The following OLFML2B variants were observed in gnomAD, a reference collection of about 807,000 sequenced individuals.
OLFML2B encodes the protein olfactomedin like 2B.
A neutral mutation model predicts 74.9 loss-of-function variants in OLFML2B; 57 were observed. The ratio of observed to expected loss-of-function variants is 0.76; its 90% CI spans 0.61 to 0.95. The LOEUF (loss-of-function observed/expected upper bound fraction) is 0.95, where lower values mean the gene tolerates loss of function less well. Among genes scored for constraint, OLFML2B ranks in the 40% least tolerant of loss-of-function variants. The pLI is 0.00. For synonymous variants in OLFML2B, 388 were observed against 405.8 expected, an observed-to-expected ratio of 0.96 and a Z score of 0.53; for missense variants, 986 against 970.6, an observed-to-expected ratio of 1.02 and a Z score of -0.21.
intron 6 of OLFML2B, among the ~76,000 whole-genome samples, chr1:161,985,885 G>A (rs981677415): frequency 6.6e-6 from 1 of 152,194 alleles, no homozygotes; most frequent in Non-Finnish European, 1.5e-5. Context: ...AGTGGCTCTG[G>A]ATCCGGTGCC....
intron 1 of OLFML2B, among the ~76,000 whole-genome samples, chr1:162,021,115 C>CAGGGA (rs1228037462): frequency 6.6e-6 from 1 of 152,254 alleles, no homozygotes; most frequent in East Asian, 1.9e-4. Context: ...AACTGGAAGC[C>CAGGGA]AGGGAAGACT....
chr1:162,003,708 C>T (rs1313099873), intron 4 of OLFML2B, among the ~76,000 whole-genome samples: 1 of 152,236 alleles, frequency 6.6e-6, no homozygotes, highest in Non-Finnish European at 1.5e-5. Flanking sequence ...GCCAACCCCT[C>T]AGGCAAGGAC....
intron 6 of OLFML2B, among the ~76,000 whole-genome samples, chr1:161,996,091 G>C (rs547252175): frequency 6.6e-6 from 1 of 152,150 alleles, no homozygotes; most frequent in Non-Finnish European, 1.5e-5. Context: ...CTGCCTTCTC[G>C]CTTAGCTTCC....
In OLFML2B at chr1:162,020,041, C is replaced by T. The variant is rs1246853334; in HGVS notation, c.316G>A (p.Glu106Lys). The T allele has an allele frequency of 1.2e-6, 2 of 1,614,188 alleles. No individual in the cohort carries two copies. The highest frequency in any genetic ancestry group is 1.7e-6 in the Non-Finnish European group (2 of 1,180,034). The change falls in exon 2 of 8, where the codon GAA becomes AAA. Residue 106 changes from glutamate (E) to lysine (K), a missense_variant. Transcript: ENST00000294794. ...ASRKEDFYTV[E>K]TITSGSSCKC... Reference sequence around the variant, plus strand: ...CACGACGAGCCTGAGGTGATGGTTTCCACGGTATAGAAGTCTTCCTTCCTG... The same window carrying T: ...CACGACGAGCCTGAGGTGATGGTTTTCACGGTATAGAAGTCTTCCTTCCTG...
At chr1:162,002,386 G>A (rs1260005169) in intron 4 of OLFML2B, among the ~76,000 whole-genome samples, 1 of 152,202 alleles carries the variant, frequency 6.6e-6, no homozygotes, top group African/African-American at 2.4e-5. Context: ...GCCACCCAGA[G>A]AGCAGAGCCC....
chr1:162,002,952 G>A (rs1690121705), intron 4 of OLFML2B, among the ~76,000 whole-genome samples: 1 of 152,210 alleles, frequency 6.6e-6, no homozygotes, highest in African/African-American at 2.4e-5. Context: ...ACAACAATGG[G>A]GAAGGTAGAT....
intron 6 of OLFML2B, among the ~76,000 whole-genome samples, chr1:161,995,628 G>A (rs1309448628): frequency 1.3e-5 from 2 of 152,154 alleles, no homozygotes; most frequent in African/African-American, 4.8e-5. Flanking sequence ...GGTAGGTTAT[G>A]GAGAGAGTGA....
chr1:162,005,902 C>CTAAAAAAAA (rs368990706), intron 4 of OLFML2B, among the ~76,000 whole-genome samples: 18 of 77,900 alleles, frequency 2.3e-4, no homozygotes, highest in Middle Eastern at 7.5e-3. Context: ...TGGAACCTAT[C>CTAAAAAAAA]AAAAAAAAAA....
At chr1:162,000,010 G>T in intron 5 of OLFML2B, 103 bp downstream of exon 5, 1 of 830,096 alleles carries the variant, frequency 1.2e-6, no homozygotes, top group Non-Finnish European at 1.9e-6. Context: ...GGAATGCTGT[G>T]TATGGAGGGG....
At chr1:162,006,615 G>A in intron 3 of OLFML2B, 142 bp from the exon 4 acceptor site, 1 of 665,424 alleles carries the variant, frequency 1.5e-6, no homozygotes, top group Non-Finnish European at 2.5e-6. Context: ...GCTAGAGAGT[G>A]TGCCCAGCCC....
In OLFML2B at chr1:161,984,162, T is replaced by C. The variant is rs1200197404; in HGVS notation, c.1766A>G (p.Asp589Gly). The C allele has an allele frequency of 6.2e-7, 1 of 1,608,536 alleles. No homozygotes were observed. Among genetic ancestry groups the C allele is most frequent in the East Asian group, 2.2e-5 (1 of 44,798 alleles). Residue 589 changes from aspartate to glycine, a missense_variant, in exon 8 of 8, where the codon GAC becomes GGC. Coordinates refer to ENST00000294794, the MANE Select transcript of OLFML2B (RefSeq NM_015441.3). ...GGCAGCCACGTAGCGCTGCTTCAGG[T>C]CGTACTTGATGATGTTGCGGGTGAA... ...RAFTRNIIKY[D>G]LKQRYVAAWA... is the part of the protein sequence containing the mutation.
rs538401319 is a variant in OLFML2B at position 161,992,939 on chromosome 1, C to G, written c.1474+4886G>C. ...ATGGTGCTGGTAGACTGGCTTGACA[C>G]AGCGTTGCCACAAAGCTTCAGTCTG... On this transcript the variant is annotated intron_variant, in intron 6 of 7. Coordinates refer to ENST00000294794, the MANE Select transcript of OLFML2B (RefSeq NM_015441.3). 2.0e-5 allele frequency among the ~76,000 whole-genome samples: 3 copies of G among 148,330 alleles called. No individual in the cohort carries two copies. In the South Asian group the frequency reaches 6.6e-4, roughly 33 times the overall value.
chr1:162,001,698 T>C (rs1690084718), intron 4 of OLFML2B, among the ~76,000 whole-genome samples: 1 of 152,220 alleles, frequency 6.6e-6, no homozygotes, highest in Non-Finnish European at 1.5e-5. Flanking sequence ...CTAGCCTGCT[T>C]TCCACAGGCA....
intron 6 of OLFML2B, among the ~76,000 whole-genome samples, chr1:161,996,614 AT>A (rs1689909557): frequency 6.6e-6 from 1 of 152,092 alleles, no homozygotes; most frequent in Admixed American, 6.5e-5. Flanking sequence ...CAATAGTGTT[AT>A]TTTTCAGTCA....
chr1:161,983,871 A>AG lies in OLFML2B; in HGVS notation c.2056_2057insC (p.Val686AlafsTer3). On this transcript the variant is annotated frameshift_variant, in exon 8 of 8. Transcript: ENST00000294794. LOFTEE classifies it high-confidence loss of function. Reference sequence around the variant, plus strand: ...GGCATTCCGCTGGTTGTAGCTATCCACGGCATACAGCACCCCACAGATGAC... The same window carrying AG: ...GGCATTCCGCTGGTTGTAGCTATCCAGCGGCATACAGCACCCCACAGATGAC... The AG allele has an allele frequency of 6.2e-7, 1 of 1,614,184 alleles. No homozygotes were observed. Among genetic ancestry groups the AG allele is most frequent in the Non-Finnish European group, 8.5e-7 (1 of 1,180,030 alleles).
At chr1:161,989,423 G>A (rs1217134356) in intron 6 of OLFML2B, among the ~76,000 whole-genome samples, 1 of 152,186 alleles carries the variant, frequency 6.6e-6, no homozygotes, top group East Asian at 1.9e-4. Flanking sequence ...TGACCTGAAG[G>A]CATTCAGATT....
chr1:162,008,911 A>C (rs985270401), intron 3 of OLFML2B, among the ~76,000 whole-genome samples: 1 of 152,192 alleles, frequency 6.6e-6, no homozygotes. Context: ...AGTGGGATTC[A>C]AGCATTTCTG....
intron 3 of OLFML2B, among the ~76,000 whole-genome samples, chr1:162,016,755 T>A (rs1021169693): frequency 2.0e-5 from 3 of 152,324 alleles, no homozygotes; most frequent in Middle Eastern, 3.4e-3. Context: ...TTACAGTATC[T>A]GTAACAACTC....
Position 162,023,554 on chromosome 1 carries a change from T to C in OLFML2B, c.-124A>G. 4 of 969,718 alleles carry C rather than the reference T, an allele frequency of 4.1e-6. No individual in the cohort carries two copies. The highest frequency in any genetic ancestry group is 3.6e-5 in the Admixed American group (1 of 27,666). 60.1% of individuals were successfully genotyped at this position (969,718 alleles called of 1,614,324 possible). ...GAAAGTGGCTGCTGAGAGCACCTTCTAAAGCTGGGTGCGGCTGAGCGGGAC... is the reference window on the plus strand; with the variant it reads ...GAAAGTGGCTGCTGAGAGCACCTTCCAAAGCTGGGTGCGGCTGAGCGGGAC... On this transcript the variant is annotated 5_prime_UTR_variant, in exon 1 of 8. It removes the in-frame stop codon of an upstream open reading frame in the 5' UTR. Transcript: ENST00000294794.
Sources: allele counts gnomAD v4.1 joint callset (sites outside exome capture counted in the v4.1 genomes callset), GRCh38; gene constraint gnomAD v4.1.1; transcripts MANE v1.5; gene names NCBI Gene and HGNC (gene_info 2026-07-23, HGNC 2026-07-21).